Variants in FGF12 observed in about 807,000 individuals in gnomAD.
The protein encoded by FGF12 is fibroblast growth factor 12B.
Under a neutral mutation model 23.6 loss-of-function variants are expected in FGF12, and 14 were observed. The observed-to-expected ratio is 0.59, with a 90% confidence interval of 0.39 to 0.93. The LOEUF (loss-of-function observed/expected upper bound fraction) is 0.93. FGF12 is among the 40% of genes least tolerant of loss of function. FGF12 has a pLI of 0.00. For missense variants in FGF12, 175 were observed against 217.8 expected (o/e 0.80, Z 1.24); for synonymous variants, 62 against 77.3 (o/e 0.80, Z 1.04).
chr3:192,140,753 C>CA lies in FGF12; in HGVS notation c.*3255dup. The CA allele has an allele frequency of 6.6e-6, 1 of 151,950 alleles. No homozygotes were observed. Among genetic ancestry groups the CA allele is most frequent in the South Asian group, 2.1e-4 (1 of 4,818 alleles). 9.4% of individuals were successfully genotyped at this position (151,950 alleles called of 1,614,324 possible). A position where few individuals can be genotyped will look rare whatever the true frequency, so the allele number is the denominator to read the frequency against. Reference sequence around the variant, plus strand: ...TTACATTGATATCTCTTTATTGCGCCAATCCATAATGGCTAAAAATGTGCT... The same window carrying CA: ...TTACATTGATATCTCTTTATTGCGCCAAATCCATAATGGCTAAAAATGTGCT... On this transcript the variant is annotated 3_prime_UTR_variant, in exon 6 of 6. Transcript: ENST00000445105.
chr3:192,590,919 C>T (rs1457405229), intron 2 of FGF12, among the ~76,000 whole-genome samples: 1 of 151,778 alleles, frequency 6.6e-6, no homozygotes, highest in Admixed American at 6.6e-5. Context: ...TTCTGCTCCC[C>T]CTTGCTCACA....
intron 4 of FGF12, among the ~76,000 whole-genome samples, chr3:192,231,490 C>CCAGGTGCAG (rs1411882528): frequency 1.3e-5 from 2 of 152,120 alleles, no homozygotes; most frequent in Non-Finnish European, 2.9e-5. Context: ...CAGTTTTTGG[C>CCAGGTGCAG]CAGGTGCAGT....
intron 4 of FGF12, among the ~76,000 whole-genome samples, chr3:192,218,518 C>T (rs192045746): frequency 2.0e-5 from 3 of 152,242 alleles, no homozygotes; most frequent in African/African-American, 7.2e-5. Flanking sequence ...GGCACCTCCC[C>T]GTCTCTCTCT....
chr3:192,405,112 C>A (rs1413129034), intron 2 of FGF12, among the ~76,000 whole-genome samples: 1 of 151,000 alleles, frequency 6.6e-6, no homozygotes, highest in Middle Eastern at 3.2e-3. Flanking sequence ...CTTGCAATGG[C>A]TCCAGGATTT....
At chr3:192,462,759 G>A (rs1722899734) in intron 2 of FGF12, among the ~76,000 whole-genome samples, 1 of 151,926 alleles carries the variant, frequency 6.6e-6, no homozygotes, top group Non-Finnish European at 1.5e-5. Context: ...GCCTACAGTA[G>A]ACTTAATACA....
At chr3:192,416,063 T>C (rs924517232) in intron 2 of FGF12, among the ~76,000 whole-genome samples, 2 of 152,064 alleles carry the variant, frequency 1.3e-5, no homozygotes, top group Non-Finnish European at 2.9e-5. Flanking sequence ...ACTCAAAATA[T>C]ACTATTAAAA....
intron 2 of FGF12, among the ~76,000 whole-genome samples, chr3:192,528,306 G>A (rs1725003373): frequency 6.6e-6 from 1 of 152,162 alleles, no homozygotes; most frequent in African/African-American, 2.4e-5. Context: ...GAAATCCAGT[G>A]GGGTAGTCAA....
rs529051718 is a variant in FGF12, at chr3:192,195,744, A to ATATG, written c.229-25092_229-25089dup. Among the ~76,000 whole-genome samples, 58 of 152,250 alleles carry ATATG rather than the reference A, an allele frequency of 3.8e-4. 2 individuals are homozygous for ATATG. Among genetic ancestry groups the ATATG allele is most frequent in the East Asian group, 1.9e-4 (1 of 5,182 alleles). On this transcript the variant is annotated intron_variant, in intron 4 of 5. Transcript: ENST00000445105. The stretch of plus-strand genomic sequence containing the variant: ...TGTATATATATGTATGTATGTGTAT[A>ATATG]TATGTATGTATGTATGTATGTGTGT...
chr3:192,330,050 G>C (rs539166864), intron 4 of FGF12, among the ~76,000 whole-genome samples: 1 of 151,908 alleles, frequency 6.6e-6, no homozygotes, highest in Non-Finnish European at 1.5e-5. Flanking sequence ...TTTAATCAAG[G>C]AGTTGAAAAA....
At chr3:192,313,961 A>C (rs891242614) in intron 4 of FGF12, among the ~76,000 whole-genome samples, 100 of 152,318 alleles carry the variant, frequency 6.6e-4, no homozygotes, top group African/African-American at 2.2e-3. Flanking sequence ...AGAAGTAATC[A>C]GGTCATAAGA....
chr3:192,144,935 TA>T (rs1713613778), intron 5 of FGF12, among the ~76,000 whole-genome samples: 2 of 152,254 alleles, frequency 1.3e-5, no homozygotes, highest in East Asian at 3.8e-4. Flanking sequence ...TGTGACTAGA[TA>T]AGAGTATATG....
chr3:192,286,410 G>A (rs931146395), intron 4 of FGF12, among the ~76,000 whole-genome samples: 49 of 152,006 alleles, frequency 3.2e-4, no homozygotes, highest in African/African-American at 1.1e-3. Context: ...TGGTGTTACT[G>A]AGTTATGGAG....
Position 192,593,686 on chromosome 3 carries a change from T to A in FGF12, c.13+133495A>T, listed in dbSNP as rs1006502762. 2.0e-5 allele frequency among the ~76,000 whole-genome samples: 3 copies of A among 151,874 alleles called. 1 individual carries two copies. Among genetic ancestry groups the A allele is most frequent in the Non-Finnish European group, 4.4e-5 (3 of 67,910 alleles). On this transcript the variant is annotated intron_variant, in intron 2 of 5. Transcript: ENST00000445105. ...CCGAAAAACAATCTCACAAGAAGCC[T>A]GCATTGGGTTTCAAAATTATTTTTT...
At chr3:192,158,338 CTT>C (rs1357785568) in intron 5 of FGF12, among the ~76,000 whole-genome samples, 121 of 69,176 alleles carry the variant, frequency 1.7e-3, no homozygotes, top group Non-Finnish European at 3.2e-3. Flanking sequence ...CTTTCTCTTT[CTT>C]TCTTTCTTTC....
chr3:192,459,003 A>G (rs1045826902), intron 2 of FGF12, among the ~76,000 whole-genome samples: 9 of 151,976 alleles, frequency 5.9e-5, no homozygotes, highest in Non-Finnish European at 4.4e-5. Context: ...CCTCTTCCTC[A>G]TTTTCTCTTG....
intron 2 of FGF12, among the ~76,000 whole-genome samples, chr3:192,483,740 G>A (rs1472769847): frequency 6.6e-6 from 1 of 151,948 alleles, no homozygotes. Flanking sequence ...AAAAGGAAGT[G>A]GAAAGGCGTT....
At chr3:192,683,207 CA>C (rs2108709827) in intron 2 of FGF12, among the ~76,000 whole-genome samples, 1 of 152,344 alleles carries the variant, frequency 6.6e-6, no homozygotes, top group South Asian at 2.1e-4. Context: ...CCCGAACTGG[CA>C]GCCAGCGTCT....
intron 2 of FGF12, among the ~76,000 whole-genome samples, chr3:192,501,235 T>C (rs1302973023): frequency 6.6e-6 from 1 of 152,168 alleles, no homozygotes; most frequent in Non-Finnish European, 1.5e-5. Context: ...AGAATAGAGC[T>C]GGGAAGGGTT....
chr3:192,727,403 AC>A, intron 1 of FGF12, 80 bp from the exon 2 acceptor site: 2 of 1,433,788 alleles, frequency 1.4e-6, no homozygotes, highest in Admixed American at 4.6e-5. Flanking sequence ...GATTGCCTCT[AC>A]AGGGGATACG....
Sources: gnomAD v4.1 joint callset for allele counts (sites outside exome capture counted in the v4.1 genomes callset) on GRCh38, gnomAD v4.1.1 for gene constraint, MANE v1.5 for transcripts, NCBI Gene and HGNC (gene_info 2026-07-23, HGNC 2026-07-21) for gene names.